Variants in THEMIS observed in about 807,000 individuals in gnomAD.
THEMIS encodes thymocyte selection associated, also known as protein THEMIS.
Under a neutral mutation model 52.6 loss-of-function variants are expected in THEMIS, and 37 were observed. The observed-to-expected ratio is 0.70, with a 90% CI of 0.54 to 0.93. THEMIS has a LOEUF of 0.93. Among genes scored for constraint, THEMIS ranks in the 40% least tolerant of loss-of-function variants. The pLI, the probability that THEMIS is intolerant of heterozygous loss-of-function variation, is 0.00. For missense variants in THEMIS, 808 were observed against 763.1 expected (o/e 1.06, Z -0.69); for synonymous variants, 292 against 272.7 (o/e 1.07, Z -0.70).
chr6:127,757,965 A>G (rs1775891676), intron 4 of THEMIS, among the ~76,000 whole-genome samples: 1 of 151,982 alleles, frequency 6.6e-6, no homozygotes, highest in Non-Finnish European at 1.5e-5. Flanking sequence ...ATATAGATAG[A>G]TAAATTATAT....
At chr6:127,867,003 A>T (rs1780002437) in intron 1 of THEMIS, among the ~76,000 whole-genome samples, 1 of 151,154 alleles carries the variant, frequency 6.6e-6, no homozygotes, top group Admixed American at 6.7e-5. Flanking sequence ...AGAACTCAGT[A>T]GCCAAGAAAG....
At chr6:127,910,520 G>T (rs1781385280) in intron 1 of THEMIS, among the ~76,000 whole-genome samples, 1 of 152,068 alleles carries the variant, frequency 6.6e-6, no homozygotes, top group African/African-American at 2.4e-5. Context: ...TCTGAATAGA[G>T]CCAGGAAATG....
intron 1 of THEMIS, among the ~76,000 whole-genome samples, chr6:127,912,386 G>A (rs1023459422): frequency 6.6e-6 from 1 of 152,146 alleles, no homozygotes; most frequent in Non-Finnish European, 1.5e-5. Flanking sequence ...AATTGTAACT[G>A]AGACAGTGAA....
At chr6:127,809,450 G>A (rs1777826825) in intron 4 of THEMIS, among the ~76,000 whole-genome samples, 1 of 152,036 alleles carries the variant, frequency 6.6e-6, no homozygotes, top group African/African-American at 2.4e-5. Context: ...CTGCCTTCAT[G>A]GTAAAAAATA....
chr6:127,840,674 G>A (rs1369680877), intron 2 of THEMIS, among the ~76,000 whole-genome samples: 3 of 152,048 alleles, frequency 2.0e-5, no homozygotes, highest in South Asian at 2.1e-4. Context: ...AGCCTTATTC[G>A]TAATTGCCAA....
chr6:127,740,260 G>C (rs1214183772), intron 4 of THEMIS, among the ~76,000 whole-genome samples: 1 of 151,968 alleles, frequency 6.6e-6, no homozygotes, highest in East Asian at 1.9e-4. Flanking sequence ...ATTAAGTGCT[G>C]GAAACTCAAA....
At chr6:127,882,595 T>G (rs1346452782) in intron 1 of THEMIS, among the ~76,000 whole-genome samples, 1 of 151,914 alleles carries the variant, frequency 6.6e-6, no homozygotes, top group Non-Finnish European at 1.5e-5. Flanking sequence ...CAAGCTCATG[T>G]AGAAAAATAC....
Position 127,834,420 on chromosome 6 carries a change from A to C in THEMIS, c.251-4486T>G, listed in dbSNP as rs904582430. ...AACCCCGTCTCCACTAAAAATACAAAAAAAAAAAAAAAAAAAAGCTGGGCG... is the reference window on the plus strand; with the variant it reads ...AACCCCGTCTCCACTAAAAATACAACAAAAAAAAAAAAAAAAAGCTGGGCG... On this transcript the variant is annotated intron_variant, in intron 2 of 5. Transcript: ENST00000368248. 6.3e-4 allele frequency among the ~76,000 whole-genome samples: 39 copies of C among 61,476 alleles called. No individual in the cohort carries two copies. In the East Asian group the frequency reaches 0.32, roughly 497 times the overall value. The allele number at this position is 61,476 out of a possible 152,430, so 40.3% of individuals were successfully genotyped here.
chr6:127,864,016 A>C (rs1458387865), intron 1 of THEMIS, among the ~76,000 whole-genome samples: 1 of 152,190 alleles, frequency 6.6e-6, no homozygotes, highest in African/African-American at 2.4e-5. Context: ...CCAGGAAAGA[A>C]AGGAAGTTTT....
At chr6:127,910,797 G>A (rs1781393252) in intron 1 of THEMIS, among the ~76,000 whole-genome samples, 1 of 152,024 alleles carries the variant, frequency 6.6e-6, no homozygotes, top group Non-Finnish European at 1.5e-5. Context: ...ATTATTATTA[G>A]CTAAACTTCA....
intron 2 of THEMIS, among the ~76,000 whole-genome samples, chr6:127,839,878 T>A (rs1445855739): frequency 6.6e-6 from 1 of 152,078 alleles, no homozygotes; most frequent in South Asian, 2.1e-4. Flanking sequence ...GCCAGGTCTG[T>A]CAGGCCCTGC....
chr6:127,847,739 A>G (rs1307319649), intron 2 of THEMIS, among the ~76,000 whole-genome samples: 1 of 151,890 alleles, frequency 6.6e-6, no homozygotes. Flanking sequence ...CTACGGATTC[A>G]ATGCAATTCC....
intron 4 of THEMIS, among the ~76,000 whole-genome samples, chr6:127,774,924 C>T (rs1191607328): frequency 6.6e-6 from 1 of 152,100 alleles, no homozygotes; most frequent in African/African-American, 2.4e-5. Flanking sequence ...GCTATATGCC[C>T]ACACATTTCC....
At chr6:127,798,782 A>T (rs998991913) in intron 4 of THEMIS, among the ~76,000 whole-genome samples, 1 of 152,044 alleles carries the variant, frequency 6.6e-6, no homozygotes, top group Non-Finnish European at 1.5e-5. Flanking sequence ...CGAGGTCAGG[A>T]GATCGAGACC....
chr6:127,874,133 CT>C (rs1400807638), intron 1 of THEMIS, among the ~76,000 whole-genome samples: 1 of 152,170 alleles, frequency 6.6e-6, no homozygotes, highest in African/African-American at 2.4e-5. Flanking sequence ...TCACTTTTTA[CT>C]GCAATTCACA....
intron 2 of THEMIS, among the ~76,000 whole-genome samples, chr6:127,841,535 C>G (rs1779047149): frequency 6.6e-6 from 1 of 152,038 alleles, no homozygotes; most frequent in Non-Finnish European, 1.5e-5. Context: ...AGCTGTGGAA[C>G]AGCCTCCTTT....
At chr6:127,896,782 C>A (rs1455204391) in intron 1 of THEMIS, among the ~76,000 whole-genome samples, 1 of 151,528 alleles carries the variant, frequency 6.6e-6, no homozygotes, top group African/African-American at 2.4e-5. Flanking sequence ...ATAATTAAAT[C>A]TTTACCTCTT....
At chr6:127,775,592 T>C (rs975990038) in intron 4 of THEMIS, among the ~76,000 whole-genome samples, 4 of 151,964 alleles carry the variant, frequency 2.6e-5, no homozygotes, top group African/African-American at 9.7e-5. Context: ...GGGTTTGACC[T>C]CATTCCCTGA....
chr6:127,857,311 T>G (rs745314618), intron 1 of THEMIS, among the ~76,000 whole-genome samples: 1 of 151,944 alleles, frequency 6.6e-6, no homozygotes, highest in Non-Finnish European at 1.5e-5. Flanking sequence ...AGGAGATGAC[T>G]GCAGATTTGA....
Sources: gnomAD v4.1 joint callset for allele counts (sites outside exome capture counted in the v4.1 genomes callset) on GRCh38, gnomAD v4.1.1 for gene constraint, MANE v1.5 for transcripts, NCBI Gene and HGNC (gene_info 2026-07-23, HGNC 2026-07-21) for gene names.